SMG1: variants seen among roughly 807,000 people sequenced by gnomAD.
SMG1 encodes the protein serine/threonine-protein kinase SMG1.
A neutral mutation model predicts 419.9 loss-of-function variants in SMG1; 22 were observed. The ratio of observed to expected loss-of-function variants is 0.05; its 90% CI spans 0.04 to 0.07. SMG1 has a LOEUF of 0.07. Ranked by LOEUF, SMG1 falls within the 10% of genes least tolerant of loss-of-function variation. The pLI is 1.00. For missense variants in SMG1, 3,185 were observed against 4,342.0 expected (o/e 0.73, Z 7.49); for synonymous variants, 1,538 against 1,553.5 (o/e 0.99, Z 0.23).
chr16:18,854,914 G>A lies in SMG1; in HGVS notation c.4235-10C>T. The A allele has an allele frequency of 6.2e-7, 1 of 1,607,964 alleles. No individual in the cohort carries two copies. On this transcript the variant is annotated splice_polypyrimidine_tract_variant and intron_variant, in intron 29 of 62. Transcript: ENST00000446231. ...ATTGGGACTGTTTGTTCTGAAGAGAGGAAAACGTTTTATTAGTTCCTAATT... is the reference window on the plus strand; with the variant it reads ...ATTGGGACTGTTTGTTCTGAAGAGAAGAAAACGTTTTATTAGTTCCTAATT...
At chr16:18,906,889 C>T (rs140661859) in intron 1 of SMG1, among the ~76,000 whole-genome samples, 14,438 of 152,306 alleles carry the variant, frequency 0.095, 742 homozygotes, top group Middle Eastern at 0.17. Flanking sequence ...TCTGCTCATC[C>T]TTTCAGCAGC....
At chr16:18,895,077 A>G (rs2037060523) in intron 3 of SMG1, among the ~76,000 whole-genome samples, 1 of 151,770 alleles carries the variant, frequency 6.6e-6, no homozygotes, top group African/African-American at 2.4e-5. Context: ...TCAGCCTCCC[A>G]AAGTGCTGGG....
intron 1 of SMG1, among the ~76,000 whole-genome samples, chr16:18,912,659 ATACT>A (rs1401569237): frequency 6.6e-6 from 1 of 152,148 alleles, no homozygotes; most frequent in African/African-American, 2.4e-5. Flanking sequence ...TGATTACCAC[ATACT>A]TACGACCTAT....
rs956951962 is a variant in SMG1, at chr16:18,834,457, T to G, written c.8331-19A>C. On this transcript the variant is annotated intron_variant, in intron 49 of 62. Coordinates refer to ENST00000446231, the MANE Select transcript of SMG1 (RefSeq NM_015092.5). ...GTTACGCCTACAAGAGATAAATATC[T>G]GTACAGTGAAACTTAAATGTATAAA... is the stretch of plus-strand genomic sequence containing the variant. 6.2e-7 allele frequency: 1 copy of G among 1,601,906 alleles called. No homozygotes were observed. Among genetic ancestry groups the G allele is most frequent in the Non-Finnish European group, 8.5e-7 (1 of 1,172,720 alleles).
chr16:18,919,145 G>A (rs7201450), intron 1 of SMG1, among the ~76,000 whole-genome samples: 13,470 of 151,966 alleles, frequency 0.089, 740 homozygotes, highest in African/African-American at 0.16. Flanking sequence ...TGGTCGACAT[G>A]GTGAAACCCC....
intron 38 of SMG1, among the ~76,000 whole-genome samples, chr16:18,845,988 T>C (rs557463561): frequency 1.1e-3 from 161 of 152,150 alleles, no homozygotes; most frequent in African/African-American, 3.7e-3. Flanking sequence ...GCTAATTTTT[T>C]GTATTTTAGT....
chr16:18,839,901 G>A lies in SMG1; in HGVS notation c.6742C>T (p.Arg2248Cys), dbSNP rs761979814. ...TTACTGTAATAAAGTTCACTAGGAC[G>A]GGGTACAATTCCAGGATTCTGAGGA... is the stretch of plus-strand genomic sequence containing the variant. ...QTPQNPGIVP[R>C]PSELYYSKIG... is the part of the protein sequence containing the mutation. The change falls in exon 42 of 63, where the codon CGT becomes TGT. Residue 2248 changes from arginine (R) to cysteine (C), a missense_variant. By Grantham distance (180) the Arg-to-Cys change is radical (BLOSUM62 -3). Around this residue, in one of 27 missense-constraint regions of SMG1, gnomAD observed 132 missense variants for 151.0 expected, o/e 0.87. Coordinates refer to ENST00000446231, the MANE Select transcript of SMG1 (RefSeq NM_015092.5). 8 of 1,607,178 alleles carry A rather than the reference G, an allele frequency of 5.0e-6. No homozygotes were observed. The highest frequency in any genetic ancestry group is 1.7e-5 in the Admixed American group (1 of 58,660).
chr16:18,811,888 A>C (rs752445562), intron 61 of SMG1, 21 bp from the exon 62 acceptor site: 1 of 1,613,334 alleles, frequency 6.2e-7, no homozygotes, highest in South Asian at 1.1e-5. Context: ...ACAAAAACAT[A>C]CGTAAGTCAA....
intron 9 of SMG1, among the ~76,000 whole-genome samples, chr16:18,882,902 A>T (rs2036461554): frequency 6.6e-6 from 1 of 152,234 alleles, no homozygotes; most frequent in Admixed American, 6.5e-5. Context: ...AAATAACAGA[A>T]GAGAATGAGA....
intron 11 of SMG1, chr16:18,879,011 A>T (rs2036269021): frequency 4.9e-6 from 1 of 202,484 alleles, no homozygotes; most frequent in East Asian, 1.3e-4. Flanking sequence ...CCCTGTCTCA[A>T]AAAAAAATTG....
intron 1 of SMG1, among the ~76,000 whole-genome samples, chr16:18,907,099 T>C (rs900232744): frequency 6.6e-6 from 1 of 151,954 alleles, no homozygotes; most frequent in Non-Finnish European, 1.5e-5. Flanking sequence ...GCCTGGCCAA[T>C]ATGACGAAAC....
rs372166219 is a variant in SMG1 at position 18,828,070 on chromosome 16, A to T, written c.9702T>A (p.His3234Gln). Residue 3234 changes from histidine to glutamine, a missense_variant, in exon 55 of 63, where the codon CAT becomes CAA. Physicochemically the swap from His to Gln is conservative, Grantham distance 24. This residue lies in a region of SMG1 where 737 missense variants were observed against 846.6 expected (regional missense o/e 0.87). Coordinates refer to ENST00000446231, the MANE Select transcript of SMG1 (RefSeq NM_015092.5). The part of the protein sequence containing the change: ...AILTSMKKKL[H>Q]TLSQIETSIA... ...TAGAAGTTTCAATCTGGCTCAGGGT[A>T]TGCAGCTTCTTTTTCATGCTGGTTA... The T allele has an allele frequency of 2.4e-4, 384 of 1,613,240 alleles. No individual in the cohort carries two copies. Among genetic ancestry groups the T allele is most frequent in the Non-Finnish European group, 3.0e-4 (353 of 1,179,572 alleles).
chr16:18,847,615 C>T lies in SMG1; in HGVS notation c.5842-8G>A. The T allele has an allele frequency of 6.2e-7, 1 of 1,613,868 alleles. No homozygotes were observed. On this transcript the variant is annotated splice_polypyrimidine_tract_variant and splice_region_variant and intron_variant, in intron 37 of 62. Transcript: ENST00000446231. ...AGCCACGAGCATCTGAACCTGCATACACAGCACACCCAAATAGCTCATCTA... is the reference window on the plus strand; with the variant it reads ...AGCCACGAGCATCTGAACCTGCATATACAGCACACCCAAATAGCTCATCTA...
intron 5 of SMG1, among the ~76,000 whole-genome samples, chr16:18,890,166 A>G (rs2036813744): frequency 6.6e-6 from 1 of 152,140 alleles, no homozygotes; most frequent in Non-Finnish European, 1.5e-5. Context: ...CAGAGAATAT[A>G]TGATTTGGAT....
intron 41 of SMG1, 34 bp from the exon 42 acceptor site, chr16:18,839,980 G>T: frequency 9.4e-6 from 14 of 1,491,396 alleles, no homozygotes; most frequent in African/African-American, 1.5e-5. Flanking sequence ...AAAAAGAAAA[G>T]ATCAATTTTA....
rs1380623858 is a variant in SMG1 at position 18,884,151 on chromosome 16, C to T, written c.1038G>A (p.Leu346=). 26 of 1,587,638 alleles carry T rather than the reference C, an allele frequency of 1.6e-5. No individual in the cohort carries two copies. Among genetic ancestry groups the T allele is most frequent in the Non-Finnish European group, 2.1e-5 (24 of 1,161,542 alleles). Residue 346 remains leucine (L), a synonymous_variant, in exon 9 of 63, where the codon TTG becomes TTA. Transcript: ENST00000446231. The part of the protein sequence containing the change: ...TQQVSGWLQS[L]EPFWVADLAF... ...CAAGATCAGCTACCCAAAATGGCTC[C>T]AAACTCTGCAACCACCCTTGGAATC...
Position 18,853,614 on chromosome 16 carries a change from T to C in SMG1, c.4737A>G (p.Glu1579=), listed in dbSNP as rs948842699. The change falls in exon 31 of 63, where the codon GAA becomes GAG. Residue 1579 remains glutamate (E), a synonymous_variant. Coordinates refer to ENST00000446231, the MANE Select transcript of SMG1 (RefSeq NM_015092.5). ...IELPSVNTME[E]EYPRIESEST... is the part of the protein sequence containing the mutation. The stretch of plus-strand genomic sequence containing the variant: ...ATTCACTCTCGATCCGAGGATACTC[T>C]TCTTCCATCGTATTAACAGATGGCA... The C allele has an allele frequency of 6.2e-7, 1 of 1,607,512 alleles. No individual in the cohort carries two copies. Among genetic ancestry groups the C allele is most frequent in the South Asian group, 1.1e-5 (1 of 90,004 alleles).
chr16:18,887,793 A>C (rs1195225176), intron 6 of SMG1, among the ~76,000 whole-genome samples: 9 of 123,008 alleles, frequency 7.3e-5, no homozygotes, highest in Non-Finnish European at 1.4e-4. Flanking sequence ...AAAAAAAAAA[A>C]AAAAAACCCT....
intron 57 of SMG1, 36 bp downstream of exon 57, chr16:18,817,255 C>A: frequency 1.9e-6 from 3 of 1,551,180 alleles, no homozygotes; most frequent in Non-Finnish European, 1.7e-6. Flanking sequence ...ATAACACTAG[C>A]CTTATTTAAT....
Sources: gnomAD v4.1 joint callset for allele counts (sites outside exome capture counted in the v4.1 genomes callset) on GRCh38, gnomAD v4.1.1 for gene constraint, gnomAD v4.1.1 regional missense constraint, MANE v1.5 for transcripts, NCBI Gene and HGNC (gene_info 2026-07-23, HGNC 2026-07-21) for gene names.